DGKB: variants seen among roughly 807,000 people sequenced by gnomAD.
The protein encoded by DGKB is diacylglycerol kinase beta, also known as 90 kDa diacylglycerol kinase.
DGKB carries 67 observed loss-of-function variants against 114.3 expected under a neutral mutation model. That is an observed-to-expected ratio of 0.59 (90% confidence interval 0.48 to 0.72). The LOEUF is 0.72. DGKB is among the 30% of genes least tolerant of loss of function. The probability of loss-of-function intolerance (pLI) is 0.00; values close to 1 mark genes in which losing one functional copy is unlikely to be tolerated. For synonymous variants in DGKB, 398 were observed against 323.1 expected, an observed-to-expected ratio of 1.23 and a Z score of -2.49; for missense variants, 907 against 975.2, an observed-to-expected ratio of 0.93 and a Z score of 0.93.
chr7:14,648,143 A>T (rs561669747), intron 13 of DGKB, among the ~76,000 whole-genome samples: 3 of 152,340 alleles, frequency 2.0e-5, no homozygotes, highest in Non-Finnish European at 4.4e-5. Flanking sequence ...GGAGCCCACC[A>T]CAGCTCAAGG....
intron 21 of DGKB, among the ~76,000 whole-genome samples, chr7:14,406,391 A>T (rs1823932274): frequency 6.6e-6 from 1 of 151,928 alleles, no homozygotes; most frequent in Admixed American, 6.6e-5. Context: ...GGGAAAGAGG[A>T]TGAATTTTAA....
intron 9 of DGKB, among the ~76,000 whole-genome samples, chr7:14,688,629 C>T (rs1039968328): frequency 6.6e-6 from 1 of 152,126 alleles, no homozygotes; most frequent in African/African-American, 2.4e-5. Flanking sequence ...TGTAATGAAG[C>T]TGTTCAGGTC....
In DGKB at chr7:14,502,464, A is replaced by C. The variant is rs147820475; in HGVS notation, c.1771-24239T>G. On this transcript the variant is annotated intron_variant, in intron 20 of 25. Transcript: ENST00000402815. ...TGAGTAAAATAAAATGGCTGTTTAA[A>C]GCCATTACACTTTGAAGTCACATGT... Among the ~76,000 whole-genome samples, 798 of 152,224 alleles carry C rather than the reference A, an allele frequency of 5.2e-3. 7 individuals are homozygous for C. Among genetic ancestry groups the C allele is most frequent in the Non-Finnish European group, 9.6e-3 (652 of 67,962 alleles).
intron 23 of DGKB, among the ~76,000 whole-genome samples, chr7:14,193,775 T>G (rs886949386): frequency 1.3e-5 from 2 of 151,170 alleles, no homozygotes; most frequent in Non-Finnish European, 2.9e-5. Flanking sequence ...TGGGAGAAAA[T>G]ATATGTAGAC....
intron 21 of DGKB, among the ~76,000 whole-genome samples, chr7:14,356,189 T>C (rs563467377): frequency 6.6e-6 from 1 of 152,204 alleles, no homozygotes; most frequent in African/African-American, 2.4e-5. Flanking sequence ...TTAGTCTTTC[T>C]AGCGGTCTAT....
intron 23 of DGKB, among the ~76,000 whole-genome samples, chr7:14,323,803 C>T (rs921099743): frequency 6.6e-5 from 10 of 152,140 alleles, no homozygotes; most frequent in African/African-American, 9.7e-5. Flanking sequence ...TATGAAGATT[C>T]ACATTTCTGG....
At chr7:14,922,375 C>CGA (rs1784545803) in intron 1 of DGKB, among the ~76,000 whole-genome samples, 1 of 118,214 alleles carries the variant, frequency 8.5e-6, no homozygotes, top group Non-Finnish European at 1.7e-5. Context: ...GTGTATCCAT[C>CGA]GTGTGTGTGT....
In DGKB at chr7:14,876,041, G is replaced by A. The variant is rs117644430; in HGVS notation, c.-188+26551C>T. ...CTACATTTCTGCCTTTGAGGTAGGAGGCAGGACTCCACTCCAGAGGCAGGG... is the reference window on the plus strand; with the variant it reads ...CTACATTTCTGCCTTTGAGGTAGGAAGCAGGACTCCACTCCAGAGGCAGGG... On this transcript the variant is annotated intron_variant, in intron 1 of 25. Coordinates refer to ENST00000402815, the MANE Select transcript of DGKB (RefSeq NM_001350709.2). 3.9e-4 allele frequency among the ~76,000 whole-genome samples: 60 copies of A among 152,220 alleles called. No homozygotes were observed. The East Asian group carries it at 0.011, about 27-fold the overall frequency.
At chr7:14,555,872 A>G (rs1012257183) in intron 20 of DGKB, among the ~76,000 whole-genome samples, 4 of 152,204 alleles carry the variant, frequency 2.6e-5, no homozygotes, top group Non-Finnish European at 4.4e-5. Flanking sequence ...TGAAGGGTCT[A>G]AAAAGGGGAG....
At chr7:14,859,150 C>A (rs1280447472) in intron 1 of DGKB, among the ~76,000 whole-genome samples, 2 of 152,000 alleles carry the variant, frequency 1.3e-5, no homozygotes, top group Non-Finnish European at 2.9e-5. Context: ...GCAGAAATGT[C>A]ATGATCAGTA....
At chr7:14,576,526 G>C (rs1166247802) in intron 19 of DGKB, among the ~76,000 whole-genome samples, 1 of 151,776 alleles carries the variant, frequency 6.6e-6, no homozygotes, top group Non-Finnish European at 1.5e-5. Context: ...AAATTAATTT[G>C]CATATAATTA....
chr7:14,846,020 T>C (rs770073239), intron 1 of DGKB, among the ~76,000 whole-genome samples: 1 of 152,214 alleles, frequency 6.6e-6, no homozygotes, highest in Admixed American at 6.5e-5. Context: ...CCACCAAGTA[T>C]ATTTTTATTT....
chr7:14,841,351 TGGCATG>T lies in DGKB; in HGVS notation c.-94_-89del. 2 of 1,139,278 alleles carry T rather than the reference TGGCATG, an allele frequency of 1.8e-6. No individual in the cohort carries two copies. The highest frequency in any genetic ancestry group is 2.4e-5 in the Admixed American group (1 of 42,386). The allele number at this position is 1,139,278 out of a possible 1,614,324, so 70.6% of individuals were successfully genotyped here. A position where few individuals can be genotyped will look rare whatever the true frequency, so the allele number is the denominator to read the frequency against. ...AGGTCTATGCTTCAAAGATTCCACA[TGGCATG>T]TTTCATGATAAAATACCTCAGGCTT... is the stretch of plus-strand genomic sequence containing the variant. On this transcript the variant is annotated 5_prime_UTR_variant, in exon 2 of 26. The change abolishes an upstream ATG in the 5' untranslated region. Transcript: ENST00000402815.
intron 2 of DGKB, among the ~76,000 whole-genome samples, chr7:14,811,185 G>A (rs1014816862): frequency 6.6e-6 from 1 of 152,126 alleles, no homozygotes; most frequent in Non-Finnish European, 1.5e-5. Context: ...CAATATTTAT[G>A]AGCATAATCC....
intron 23 of DGKB, among the ~76,000 whole-genome samples, chr7:14,193,939 G>GA (rs1203084767): frequency 2.0e-5 from 3 of 152,074 alleles, no homozygotes; most frequent in South Asian, 4.1e-4. Flanking sequence ...TTAGTTATAT[G>GA]AAAAAAATGC....
intron 21 of DGKB, among the ~76,000 whole-genome samples, chr7:14,434,935 C>T (rs1829015641): frequency 6.6e-6 from 1 of 152,026 alleles, no homozygotes; most frequent in Non-Finnish European, 1.5e-5. Flanking sequence ...GCTTGTTTTG[C>T]CAGTACCATC....
intron 13 of DGKB, among the ~76,000 whole-genome samples, chr7:14,667,739 G>C (rs1267098235): frequency 2.0e-5 from 3 of 152,100 alleles, no homozygotes; most frequent in African/African-American, 7.2e-5. Flanking sequence ...AAGCAATTTT[G>C]TGGGCAGAAC....
chr7:14,969,347 A>G (rs963364637), intron 1 of DGKB, among the ~76,000 whole-genome samples: 31 of 152,154 alleles, frequency 2.0e-4, no homozygotes, highest in African/African-American at 4.8e-4. Flanking sequence ...AACAATGGGG[A>G]TACTTTCTGA....
At chr7:14,668,808 T>A (rs1257789388) in intron 13 of DGKB, among the ~76,000 whole-genome samples, 1 of 152,118 alleles carries the variant, frequency 6.6e-6, no homozygotes, top group Non-Finnish European at 1.5e-5. Flanking sequence ...CAATTACTCC[T>A]TTGCATATAT....
Sources: gnomAD v4.1 joint callset for allele counts (sites outside exome capture counted in the v4.1 genomes callset) on GRCh38, gnomAD v4.1.1 for gene constraint, MANE v1.5 for transcripts, NCBI Gene and HGNC (gene_info 2026-07-23, HGNC 2026-07-21) for gene names.